The following MORF4L1 variants were observed in gnomAD, a reference collection of about 807,000 sequenced individuals.
The protein encoded by MORF4L1 is mortality factor 4-like protein 1.
In MORF4L1, 4 loss-of-function variants were observed where a neutral mutation model predicts 52.9. The observed-to-expected ratio is 0.08, with a 90% CI of 0.04 to 0.17. The LOEUF is 0.17. Ranked by LOEUF, MORF4L1 falls within the 10% of genes least tolerant of loss-of-function variation. The probability of loss-of-function intolerance (pLI) is 1.00; values close to 1 mark genes in which losing one functional copy is unlikely to be tolerated. For missense variants in MORF4L1, 214 were observed against 390.4 expected (o/e 0.55, Z 3.81); for synonymous variants, 123 against 134.8 (o/e 0.91, Z 0.61).
At chr15:78,892,383 G>T (rs2056816071) in intron 8 of MORF4L1, 70 bp downstream of exon 8, 2 of 1,055,584 alleles carry the variant, frequency 1.9e-6, no homozygotes, top group Non-Finnish European at 2.9e-6. Flanking sequence ...AGTTTTTAAA[G>T]GAAAATGTTA....
chr15:78,892,120 T>TA (rs1334758572), intron 7 of MORF4L1, 92 bp from the exon 8 acceptor site: 1 of 779,308 alleles, frequency 1.3e-6, no homozygotes, highest in Admixed American at 2.6e-5. Context: ...CTTTAAGATT[T>TA]ATCCCTAGTG....
intron 1 of MORF4L1, among the ~76,000 whole-genome samples, chr15:78,875,181 C>G (rs1040919095): frequency 6.6e-6 from 1 of 152,082 alleles, no homozygotes; most frequent in Non-Finnish European, 1.5e-5. Flanking sequence ...CTATTAGGCT[C>G]GTAGGGTTTA....
At chr15:78,894,396 A>G in intron 10 of MORF4L1, 166 bp downstream of exon 10, 1 of 527,500 alleles carries the variant, frequency 1.9e-6, no homozygotes, top group African/African-American at 2.0e-5. Context: ...AGTTTTAAAA[A>G]TCGTGTATTT....
At position 78,880,525 on chromosome 15, in the gene MORF4L1, C is replaced by G; in HGVS notation, c.101C>G (p.Ala34Gly). The G allele has an allele frequency of 6.3e-7, 1 of 1,598,762 alleles. No homozygotes were observed. Among genetic ancestry groups the G allele is most frequent in the Non-Finnish European group, 8.5e-7 (1 of 1,173,708 alleles). Residue 34 changes from alanine (A) to glycine (G), a missense_variant, in exon 3 of 12, where the codon GCC becomes GGC. Physicochemically the swap from Ala to Gly is moderately conservative, Grantham distance 60 (BLOSUM62 0). Around this residue, in one of 5 missense-constraint regions of MORF4L1, gnomAD observed 32 missense variants for 51.1 expected, o/e 0.63. Transcript: ENST00000426013. ...TTTGAATTTCAGTGTGTAAAGGTTG[C>G]CATAAAGGACAAACAAGTGAAATAC... ...LLYEAKCVKV[A>G]IKDKQVKYFI...
At chr15:78,877,441 A>G (rs1306419079) in intron 1 of MORF4L1, among the ~76,000 whole-genome samples, 1 of 152,182 alleles carries the variant, frequency 6.6e-6, no homozygotes, top group African/African-American at 2.4e-5. Context: ...TTTTAGAGCT[A>G]AAAAAGAGCT....
Position 78,886,187 on chromosome 15 carries a change from A to G in MORF4L1, c.202A>G (p.Thr68Ala), listed in dbSNP as rs2056699948. 9 of 1,614,150 alleles carry G rather than the reference A, an allele frequency of 5.6e-6. No individual in the cohort carries two copies. Among genetic ancestry groups the G allele is most frequent in the Non-Finnish European group, 6.8e-6 (8 of 1,179,998 alleles). The change falls in exon 4 of 12, where the codon ACC becomes GCC. Residue 68 changes from threonine to alanine, a missense_variant. By Grantham distance (58) the Thr-to-Ala change is moderately conservative. Around this residue, in one of 5 missense-constraint regions of MORF4L1, gnomAD observed 84 missense variants for 116.3 expected, o/e 0.72. Transcript: ENST00000426013. The part of the protein sequence containing the change: ...PESRVLKYVD[T>A]NLQKQRELQK... ...GAGCAGAGTACTCAAATACGTGGAC[A>G]CCAATTTGCAGAAACAGCGAGAACT...
intron 8 of MORF4L1, 112 bp downstream of exon 8, chr15:78,892,425 A>G: frequency 3.3e-6 from 2 of 611,880 alleles, no homozygotes; most frequent in Non-Finnish European, 5.7e-6. Flanking sequence ...TATGACTGAT[A>G]AAATAATATT....
intron 11 of MORF4L1, among the ~76,000 whole-genome samples, chr15:78,895,972 T>TA (rs947438658): frequency 1.8e-4 from 26 of 147,974 alleles, no homozygotes; most frequent in South Asian, 6.4e-4. Flanking sequence ...TTTATGTAAT[T>TA]AAAAAAAAAA....
At chr15:78,874,308 C>A (rs900028249) in intron 1 of MORF4L1, among the ~76,000 whole-genome samples, 7 of 152,242 alleles carry the variant, frequency 4.6e-5, no homozygotes, top group Middle Eastern at 3.4e-3. Flanking sequence ...AACCTCAAAC[C>A]GTAGTACTGC....
At chr15:78,887,094 A>G (rs1022422639) in intron 4 of MORF4L1, among the ~76,000 whole-genome samples, 175 bp from the exon 5 acceptor site, 1 of 152,174 alleles carries the variant, frequency 6.6e-6, no homozygotes, top group Non-Finnish European at 1.5e-5. Context: ...ATTTTAATTG[A>G]GCCTTTTGCT....
At chr15:78,890,938 G>A in intron 5 of MORF4L1, 51 bp from the exon 6 acceptor site, 1 of 1,374,140 alleles carries the variant, frequency 7.3e-7, no homozygotes, top group South Asian at 1.5e-5. Flanking sequence ...AGTTGAAACA[G>A]AGGCAGTTTT....
chr15:78,874,001 T>C (rs1182071122), intron 1 of MORF4L1: 1 of 152,250 alleles, frequency 6.6e-6, no homozygotes, highest in African/African-American at 2.4e-5. Context: ...GACTTGAAAG[T>C]TGAATTTCTT....
chr15:78,894,646 C>T (rs1173455411), intron 10 of MORF4L1, 174 bp from the exon 11 acceptor site: 28 of 573,292 alleles, frequency 4.9e-5, no homozygotes, highest in South Asian at 4.4e-5. Context: ...TGACCTCAAG[C>T]GATCGCCTAT....
intron 1 of MORF4L1, 54 bp downstream of exon 1, chr15:78,873,111 G>A: frequency 5.2e-6 from 8 of 1,546,890 alleles, no homozygotes; most frequent in South Asian, 2.4e-5. Context: ...GATAGAGGCG[G>A]GCTCGAGGTG....
chr15:78,876,046 A>G (rs2056482525), intron 1 of MORF4L1, among the ~76,000 whole-genome samples: 2 of 151,570 alleles, frequency 1.3e-5, no homozygotes, highest in African/African-American at 4.8e-5. Context: ...CAAGCGATTC[A>G]CCTGCCTCAG....
intron 8 of MORF4L1, among the ~76,000 whole-genome samples, 156 bp from the exon 9 acceptor site, chr15:78,893,383 T>G (rs1183333666): frequency 6.6e-6 from 1 of 152,248 alleles, no homozygotes; most frequent in Non-Finnish European, 1.5e-5. Context: ...GTCTGTAGTT[T>G]CTCAGCCACA....
intron 10 of MORF4L1, 80 bp from the exon 11 acceptor site, chr15:78,894,740 T>A: frequency 9.3e-7 from 1 of 1,076,260 alleles, no homozygotes; most frequent in Non-Finnish European, 1.4e-6. Context: ...ATTGGTGGTG[T>A]TTGCTCACAT....
intron 1 of MORF4L1, chr15:78,873,728 T>G (rs2056419766): frequency 6.6e-6 from 1 of 151,504 alleles, no homozygotes. Flanking sequence ...TACCACAGAG[T>G]GGTGGGTGGG....
chr15:78,881,447 C>T (rs191761787), intron 3 of MORF4L1, among the ~76,000 whole-genome samples: 188 of 152,122 alleles, frequency 1.2e-3, no homozygotes, highest in South Asian at 3.3e-3. Context: ...CCACCCGCCT[C>T]GGCCTCCCAA....
Sources: allele counts gnomAD v4.1 joint callset (sites outside exome capture counted in the v4.1 genomes callset), GRCh38; gene constraint gnomAD v4.1.1; regional missense constraint gnomAD v4.1.1; transcripts MANE v1.5; gene names NCBI Gene and HGNC (gene_info 2026-07-23, HGNC 2026-07-21).